DOC2B: variants seen among roughly 807,000 people sequenced by gnomAD.
DOC2B encodes the protein double C2-like domain-containing protein beta.
In DOC2B, 21 loss-of-function variants were observed where a neutral mutation model predicts 28.9. That is an observed-to-expected ratio of 0.73 (90% CI 0.52 to 1.05). DOC2B has a LOEUF of 1.05. Ranked by LOEUF, DOC2B falls within the 50% of genes least tolerant of loss-of-function variation. DOC2B has a pLI of 0.00. For missense variants in DOC2B, 384 were observed against 421.1 expected (o/e 0.91, Z 0.77); for synonymous variants, 194 against 178.1 (o/e 1.09, Z -0.71).
chr17:168,820 T>C (rs975427583), intron 2 of DOC2B, among the ~76,000 whole-genome samples: 13 of 152,256 alleles, frequency 8.5e-5, no homozygotes, highest in Non-Finnish European at 1.5e-4. Flanking sequence ...ATGTGAGAAG[T>C]GCCTTTCACT....
Position 148,064 on chromosome 17 carries a change from G to A in DOC2B, c.1102+109C>T, listed in dbSNP as rs1399393265. On this transcript the variant is annotated intron_variant, in intron 8 of 8. Transcript: ENST00000613549. The stretch of plus-strand genomic sequence containing the variant: ...AGAAGGTCTGAGGCCCCTGACCTAG[G>A]GGCAGGTGGTCCGTGGCTCCAGCTT... The A allele has an allele frequency of 7.0e-5, 28 of 397,318 alleles. No homozygotes were observed. In the South Asian group the frequency reaches 3.5e-3, roughly 49 times the overall value. 24.6% of individuals were successfully genotyped at this position (397,318 alleles called of 1,614,324 possible).
intron 1 of DOC2B, among the ~76,000 whole-genome samples, chr17:173,088 C>T (rs2040330546): frequency 2.6e-5 from 4 of 152,228 alleles, no homozygotes; most frequent in Admixed American, 6.5e-5. Context: ...CCAGCCAACA[C>T]ACAGGACTGC....
intron 5 of DOC2B, among the ~76,000 whole-genome samples, chr17:156,908 AAAATG>A (rs1446625591): frequency 6.6e-6 from 1 of 152,242 alleles, no homozygotes; most frequent in Non-Finnish European, 1.5e-5. Flanking sequence ...GGCAGAAAGA[AAAATG>A]AAATGAAAAA....
At chr17:148,743 A>G (rs1426374553) in intron 7 of DOC2B, among the ~76,000 whole-genome samples, 1 of 152,034 alleles carries the variant, frequency 6.6e-6, no homozygotes, top group Non-Finnish European at 1.5e-5. Context: ...CTTGGGGGGA[A>G]TCCGCATTTC....
chr17:175,789 T>A (rs530946606), intron 1 of DOC2B, among the ~76,000 whole-genome samples: 1 of 152,282 alleles, frequency 6.6e-6, no homozygotes, highest in East Asian at 1.9e-4. Context: ...GACACCCAGC[T>A]CCTGGAGGGG....
intron 5 of DOC2B, among the ~76,000 whole-genome samples, chr17:158,787 G>C (rs1555522884): frequency 6.6e-6 from 1 of 152,216 alleles, no homozygotes; most frequent in Non-Finnish European, 1.5e-5. Flanking sequence ...ACTCATGCCT[G>C]TAACCCCAGC....
At position 144,068 on chromosome 17, in the gene DOC2B, A is replaced by AGGCGGCGGGCGG. The variant is rs71281308; in HGVS notation, c.*3361_*3372dup. The AGGCGGCGGGCGG allele has an allele frequency of 0.011, 1,271 of 116,224 alleles. 12 individuals carry two copies. Among genetic ancestry groups the AGGCGGCGGGCGG allele is most frequent in the African/African-American group, 0.025 (686 of 27,816 alleles). The allele number at this position is 116,224 out of a possible 1,614,324, so 7.2% of individuals were successfully genotyped here. On this transcript the variant is annotated 3_prime_UTR_variant, in exon 9 of 9. Coordinates refer to ENST00000613549, the MANE Select transcript of DOC2B (RefSeq NM_003585.5). ...AGACGGGCCCGTCGGGGATTGGCGCAGGCGGCGGGCGGGGCGGCGGGCGGG... is the reference window on the plus strand; with the variant it reads ...AGACGGGCCCGTCGGGGATTGGCGCAGGCGGCGGGCGGGGCGGCGGGCGGGGCGGCGGGCGGG...
intron 2 of DOC2B, among the ~76,000 whole-genome samples, chr17:170,546 G>A (rs1429556232): frequency 6.6e-6 from 1 of 152,110 alleles, no homozygotes; most frequent in African/African-American, 2.4e-5. Context: ...GCAGCTCTGT[G>A]GGAAGCCGCT....
intron 6 of DOC2B, among the ~76,000 whole-genome samples, chr17:154,796 C>T (rs2040114698): frequency 6.6e-6 from 1 of 151,522 alleles, no homozygotes; most frequent in African/African-American, 2.4e-5. Context: ...GTGGTGTGAT[C>T]TCGGCTCACT....
At chr17:149,087 T>A in intron 7 of DOC2B, 24 bp downstream of exon 7, 14 of 399,006 alleles carry the variant, frequency 3.5e-5, no homozygotes, top group Non-Finnish European at 6.2e-5. Context: ...ATGGCCTTCA[T>A]GAAGCTTCAC....
At position 160,137 on chromosome 17, in the gene DOC2B, C is replaced by T. The variant is rs551406515; in HGVS notation, c.765+1278G>A. Among the ~76,000 whole-genome samples the T allele has an allele frequency of 1.9e-3, 294 of 151,380 alleles. 2 individuals carry two copies. The highest frequency in any genetic ancestry group is 3.0e-3 in the Non-Finnish European group (202 of 67,652). ...GTAGCTGGGATTACAGGCATGCACC[C>T]CCACACCCGGCTAATTTTTTTATTT... On this transcript the variant is annotated intron_variant, in intron 5 of 8. Coordinates refer to ENST00000613549, the MANE Select transcript of DOC2B (RefSeq NM_003585.5).
intron 6 of DOC2B, among the ~76,000 whole-genome samples, chr17:154,093 C>T (rs1298052943): frequency 6.6e-6 from 1 of 152,166 alleles, no homozygotes; most frequent in African/African-American, 2.4e-5. Flanking sequence ...CCAAGGTCCT[C>T]CCACAGTGTA....
In DOC2B at chr17:165,191, C is replaced by T. The variant is rs375572102; in HGVS notation, c.454-987G>A. Among the ~76,000 whole-genome samples the T allele has an allele frequency of 5.8e-4, 88 of 152,134 alleles. 1 individual carries two copies. The highest frequency in any genetic ancestry group is 2.0e-3 in the African/African-American group (83 of 41,416). ...TGGGAAGTGGATGAGTTACTTTGCACGCTAAGCCTCAGCTTTATCATCTGT... is the reference window on the plus strand; with the variant it reads ...TGGGAAGTGGATGAGTTACTTTGCATGCTAAGCCTCAGCTTTATCATCTGT... On this transcript the variant is annotated intron_variant, in intron 2 of 8. Coordinates refer to ENST00000613549, the MANE Select transcript of DOC2B (RefSeq NM_003585.5).
At chr17:160,988 G>A (rs866668799) in intron 5 of DOC2B, among the ~76,000 whole-genome samples, 17 of 152,000 alleles carry the variant, frequency 1.1e-4, no homozygotes, top group African/African-American at 3.9e-4. Flanking sequence ...AGTGGCTCAG[G>A]CCCCAAACCT....
At chr17:152,891 G>C (rs1017177942) in intron 6 of DOC2B, among the ~76,000 whole-genome samples, 1 of 152,188 alleles carries the variant, frequency 6.6e-6, no homozygotes, top group African/African-American at 2.4e-5. Context: ...TTTCTTCTGG[G>C]GCACAGGTCA....
At chr17:170,347 G>A (rs546451656) in intron 2 of DOC2B, among the ~76,000 whole-genome samples, 13 of 152,326 alleles carry the variant, frequency 8.5e-5, no homozygotes, top group Admixed American at 7.2e-4. Flanking sequence ...TGAGGCTTGC[G>A]TGGATGGCAC....
At chr17:149,067 G>A (rs2040045277) in intron 7 of DOC2B, 44 bp downstream of exon 7, 1 of 398,752 alleles carries the variant, frequency 2.5e-6, no homozygotes. Flanking sequence ...CACTGCTGTG[G>A]GGCAGAGGAA....
rs2151454632 is a variant in DOC2B, at chr17:143,430, A to C, written c.*4011T>G. ...CTGCAATCCCCACTTTCCAGGCTCAAGCGATCCTCCTCCTCCTACCTCAGC... is the reference window on the plus strand; with the variant it reads ...CTGCAATCCCCACTTTCCAGGCTCACGCGATCCTCCTCCTCCTACCTCAGC... On this transcript the variant is annotated 3_prime_UTR_variant, in exon 9 of 9. Coordinates refer to ENST00000613549, the MANE Select transcript of DOC2B (RefSeq NM_003585.5). 1 of 150,820 alleles carries C rather than the reference A, an allele frequency of 6.6e-6. No homozygotes were observed. Among genetic ancestry groups the C allele is most frequent in the African/African-American group, 2.5e-5 (1 of 40,776 alleles). The allele number at this position is 150,820 out of a possible 1,614,324, so 9.3% of individuals were successfully genotyped here.
intron 5 of DOC2B, among the ~76,000 whole-genome samples, chr17:158,814 G>A (rs958618337): frequency 6.6e-6 from 1 of 152,136 alleles, no homozygotes; most frequent in African/African-American, 2.4e-5. Context: ...GGAGGCCAAG[G>A]CGGGCAGATC....
Sources: allele counts gnomAD v4.1 joint callset (sites outside exome capture counted in the v4.1 genomes callset), GRCh38; gene constraint gnomAD v4.1.1; transcripts MANE v1.5; gene names NCBI Gene and HGNC (gene_info 2026-07-23, HGNC 2026-07-21).